The following RANBP2 variants were observed in gnomAD, a reference collection of about 807,000 sequenced individuals.
RANBP2 encodes the protein E3 SUMO-protein ligase RanBP2.
A neutral mutation model predicts 303.6 loss-of-function variants in RANBP2; 57 were observed. The observed-to-expected ratio is 0.19, with a 90% CI of 0.15 to 0.23. The LOEUF (loss-of-function observed/expected upper bound fraction) is 0.23. Ranked by LOEUF, RANBP2 falls within the 10% of genes least tolerant of loss-of-function variation. The pLI, the probability that RANBP2 is intolerant of heterozygous loss-of-function variation, is 1.00. For missense variants in RANBP2, 3,138 were observed against 3,780.8 expected (o/e 0.83, Z 4.46); for synonymous variants, 1,167 against 1,301.5 (o/e 0.90, Z 2.23).
chr2:109,157,217 TA>T, the RANBP2 span, among the ~76,000 whole-genome samples: 1 of 152,192 alleles, frequency 6.6e-6, no homozygotes, highest in Non-Finnish European at 1.5e-5. Flanking sequence ...CCGTCTCTTC[TA>T]CTCCTCAGCT....
chr2:109,053,932 G>A, the RANBP2 span, among the ~76,000 whole-genome samples: 1 of 152,086 alleles, frequency 6.6e-6, no homozygotes, highest in Admixed American at 6.5e-5. Flanking sequence ...GAGGGCACCA[G>A]GGGCATTGTC....
At chr2:109,364,246 C>G in the RANBP2 span, among the ~76,000 whole-genome samples, 3 of 150,982 alleles carry the variant, frequency 2.0e-5, no homozygotes, top group African/African-American at 7.3e-5. Flanking sequence ...GAGAGTCTTT[C>G]CTCAACTGTG....
At chr2:109,270,718 C>T in the RANBP2 span, among the ~76,000 whole-genome samples, 5 of 152,202 alleles carry the variant, frequency 3.3e-5, no homozygotes, top group Non-Finnish European at 7.3e-5. Context: ...CTTTGGAGAC[C>T]GTTCCTGGAC....
At chr2:108,985,593 G>A in the RANBP2 span, among the ~76,000 whole-genome samples, 1 of 152,190 alleles carries the variant, frequency 6.6e-6, no homozygotes. Flanking sequence ...GTGTGTCTGG[G>A]CAAGAGGATC....
At chr2:109,522,199 T>C in the RANBP2 span, among the ~76,000 whole-genome samples, 1 of 152,074 alleles carries the variant, frequency 6.6e-6, no homozygotes, top group East Asian at 1.9e-4. Flanking sequence ...TCCGGTGATC[T>C]GTGTCAATCC....
At chr2:109,456,919 G>C in the RANBP2 span, among the ~76,000 whole-genome samples, 2 of 152,222 alleles carry the variant, frequency 1.3e-5, no homozygotes, top group Non-Finnish European at 2.9e-5. Context: ...TGGCAGGGAC[G>C]AGGGAAGGAG....
At chr2:109,629,235 T>TAAATAAAAAAATAAA in the RANBP2 span, among the ~76,000 whole-genome samples, 44 of 138,094 alleles carry the variant, frequency 3.2e-4, no homozygotes, top group Admixed American at 5.5e-4. Context: ...AATAAATAAA[T>TAAATAAAAAAATAAA]AAAATGCTTA....
At chr2:108,996,715 G>A in the RANBP2 span, among the ~76,000 whole-genome samples, 1 of 151,782 alleles carries the variant, frequency 6.6e-6, no homozygotes, top group Non-Finnish European at 1.5e-5. Context: ...CAACAGTGTG[G>A]CAGTAACACA....
At chr2:109,704,477 A>G in the RANBP2 span, among the ~76,000 whole-genome samples, 1 of 151,980 alleles carries the variant, frequency 6.6e-6, no homozygotes, top group Admixed American at 6.6e-5. Flanking sequence ...GGCTGCAGTG[A>G]GCTATGATCA....
chr2:109,180,183 T>C, the RANBP2 span, among the ~76,000 whole-genome samples: 2 of 151,602 alleles, frequency 1.3e-5, no homozygotes, highest in Non-Finnish European at 2.9e-5. Context: ...TACTTCCCTC[T>C]CTACCTGTGC....
At chr2:109,170,070 A>G in the RANBP2 span, among the ~76,000 whole-genome samples, 1 of 152,186 alleles carries the variant, frequency 6.6e-6, no homozygotes, top group Non-Finnish European at 1.5e-5. Context: ...ATTTTGGCCA[A>G]AACACTTTGC....
chr2:108,964,994 T>C, the RANBP2 span, among the ~76,000 whole-genome samples: 114 of 152,326 alleles, frequency 7.5e-4, no homozygotes, highest in African/African-American at 2.6e-3. Flanking sequence ...CTCTCTTCAA[T>C]AGCACAACCT....
chr2:108,781,341 G>T lies in RANBP2; in HGVS notation c.8672G>T (p.Gly2891Val). 6.2e-7 allele frequency: 1 copy of T among 1,614,146 alleles called. No homozygotes were observed. The highest frequency in any genetic ancestry group is 8.5e-7 in the Non-Finnish European group (1 of 1,180,022). ...GTQSVGTQSA[G>V]KVGEDEDGSD... Reference sequence around the variant, plus strand: ...CAGTCAGTCGGAACCCAGTCAGCCGGTAAAGTTGGTGAAGATGAAGATGGT... The same window carrying T: ...CAGTCAGTCGGAACCCAGTCAGCCGTTAAAGTTGGTGAAGATGAAGATGGT... Residue 2891 changes from glycine (G) to valine (V), a missense_variant, in exon 26 of 29, where the codon GGT (glycine) becomes GTT (valine). Physicochemically the swap from Gly to Val is moderately radical, Grantham distance 109. Coordinates refer to ENST00000283195, the MANE Select transcript of RANBP2 (RefSeq NM_006267.5).
the RANBP2 span, among the ~76,000 whole-genome samples, chr2:109,671,271 G>A: frequency 1.3e-5 from 2 of 152,208 alleles, no homozygotes; most frequent in African/African-American, 2.4e-5. Context: ...ATGCCAGAGT[G>A]GTAGGAGGTG....
chr2:108,807,776 C>A, the RANBP2 span, among the ~76,000 whole-genome samples: 2 of 152,276 alleles, frequency 1.3e-5, no homozygotes, highest in African/African-American at 4.8e-5. Context: ...CACCACCACA[C>A]CTGGCTAATT....
intron 7 of RANBP2, among the ~76,000 whole-genome samples, chr2:108,741,571 T>C (rs917918639): frequency 3.0e-5 from 4 of 132,828 alleles, no homozygotes; most frequent in African/African-American, 1.1e-4. Context: ...AGTGGCACGA[T>C]CTCGGCTCCC....
chr2:109,181,901 T>C, the RANBP2 span, among the ~76,000 whole-genome samples: 2 of 152,218 alleles, frequency 1.3e-5, no homozygotes, highest in Non-Finnish European at 2.9e-5. Context: ...CTGGTTTTCC[T>C]TTTAGGCTTT....
chr2:109,569,632 T>C, the RANBP2 span, among the ~76,000 whole-genome samples: 2 of 152,166 alleles, frequency 1.3e-5, no homozygotes, highest in East Asian at 3.8e-4. Flanking sequence ...ACTTTCCTGT[T>C]AAATTAGTCA....
the RANBP2 span, among the ~76,000 whole-genome samples, chr2:109,379,404 G>A: frequency 6.6e-5 from 10 of 152,154 alleles, no homozygotes; most frequent in East Asian, 1.9e-4. Context: ...AGCCCGTCCC[G>A]TGGTCCCACT....
Sources: allele counts gnomAD v4.1 joint callset (sites outside exome capture counted in the v4.1 genomes callset), GRCh38; gene constraint gnomAD v4.1.1; transcripts MANE v1.5; gene names NCBI Gene and HGNC (gene_info 2026-07-23, HGNC 2026-07-21).